ARID5B: variants seen among roughly 807,000 people sequenced by gnomAD.
ARID5B encodes AT-rich interactive domain-containing protein 5B.
ARID5B carries 13 observed loss-of-function variants against 97.2 expected under a neutral mutation model. The ratio of observed to expected loss-of-function variants is 0.13; its 90% CI spans 0.09 to 0.21. The LOEUF is 0.21. ARID5B is among the 10% of genes least tolerant of loss of function. The pLI is 1.00. For missense variants in ARID5B, 1,210 were observed against 1,465.3 expected (o/e 0.83, Z 2.84); for synonymous variants, 556 against 570.3 (o/e 0.97, Z 0.36).
chr10:62,039,897 T>C (rs988367055), intron 4 of ARID5B, among the ~76,000 whole-genome samples: 2 of 152,258 alleles, frequency 1.3e-5, no homozygotes, highest in African/African-American at 4.8e-5. Flanking sequence ...TGACTGTAAC[T>C]GACCTCTCTA....
intron 4 of ARID5B, among the ~76,000 whole-genome samples, chr10:62,040,280 T>G (rs1416746041): frequency 5.3e-5 from 8 of 152,260 alleles, no homozygotes; most frequent in South Asian, 4.2e-4. Context: ...ATTACCAGAT[T>G]TGAATTTTAC....
chr10:62,048,555 C>T (rs1442785802), intron 4 of ARID5B, among the ~76,000 whole-genome samples: 2 of 152,186 alleles, frequency 1.3e-5, no homozygotes, highest in East Asian at 1.9e-4. Flanking sequence ...TTAGAGTTTA[C>T]GTTTGTGTGA....
chr10:61,999,044 A>G (rs765947137), intron 3 of ARID5B, among the ~76,000 whole-genome samples: 1 of 152,242 alleles, frequency 6.6e-6, no homozygotes, highest in Non-Finnish European at 1.5e-5. Context: ...TCAGTGGTAC[A>G]CTGGGTCTTA....
chr10:62,012,322 AC>A (rs1006868122), intron 4 of ARID5B, among the ~76,000 whole-genome samples: 1 of 152,124 alleles, frequency 6.6e-6, no homozygotes, highest in Admixed American at 6.6e-5. Flanking sequence ...GGAGTTTGAG[AC>A]CAGCCTGGGC....
At chr10:62,070,485 CTTAATTTGT>C (rs1317703321) in intron 8 of ARID5B, among the ~76,000 whole-genome samples, 1 of 152,184 alleles carries the variant, frequency 6.6e-6, no homozygotes, top group Non-Finnish European at 1.5e-5. Flanking sequence ...CAAGCCCATA[CTTAATTTGT>C]TTAGGTCATT....
chr10:62,069,757 A>G lies in ARID5B; in HGVS notation c.1159A>G (p.Ser387Gly), dbSNP rs1170562366. 1 of 1,614,168 alleles carries G rather than the reference A, an allele frequency of 6.2e-7. No homozygotes were observed. Residue 387 changes from serine (S) to glycine (G), a missense_variant, in exon 8 of 10, where the codon AGC becomes GGC. By Grantham distance (56) the Ser-to-Gly change is moderately conservative. This residue lies in a region of ARID5B where 59 missense variants were observed against 156.7 expected (regional missense o/e 0.38). Transcript: ENST00000279873. ...IYDELGGNPG[S>G]TSAATCTRRH... The stretch of plus-strand genomic sequence containing the variant: ...TGATGAATTAGGCGGTAATCCTGGG[A>G]GCACCAGCGCTGCCACTTGTACCCG...
Position 62,091,100 on chromosome 10 carries a change from C to T in ARID5B, c.1637C>T (p.Pro546Leu), listed in dbSNP as rs1387003279. 1.9e-6 allele frequency: 3 copies of T among 1,614,008 alleles called. No homozygotes were observed. The East Asian group carries it at 6.7e-5, about 36-fold the overall frequency. The change falls in exon 10 of 10, where the codon CCT becomes CTT. Residue 546 changes from proline (P) to leucine (L), a missense_variant. By Grantham distance (98) the Pro-to-Leu change is moderately conservative (BLOSUM62 -3). This residue lies in a region of ARID5B where 800 missense variants were observed against 839.1 expected (regional missense o/e 0.95). Transcript: ENST00000279873. ...KGPTPPLPSA[P>L]LAPEKDSALV... is the part of the protein sequence containing the mutation. ...CCCACACCTCCACTCCCAAGTGCTC[C>T]TCTGGCCCCAGAAAAAGATTCAGCC...
chr10:62,084,541 G>A (rs1012690043), intron 8 of ARID5B, among the ~76,000 whole-genome samples: 7 of 152,144 alleles, frequency 4.6e-5, no homozygotes, highest in Admixed American at 3.9e-4. Context: ...AACAAATTAT[G>A]TTTGCTGTAT....
chr10:62,008,171 G>A (rs959355692), intron 4 of ARID5B, among the ~76,000 whole-genome samples: 1 of 151,768 alleles, frequency 6.6e-6, no homozygotes, highest in African/African-American at 2.4e-5. Flanking sequence ...GCAGGCAACA[G>A]AGCAGTACCC....
At chr10:61,904,582 C>G (rs1354684763) in intron 2 of ARID5B, among the ~76,000 whole-genome samples, 1 of 152,130 alleles carries the variant, frequency 6.6e-6, no homozygotes, top group Non-Finnish European at 1.5e-5. Flanking sequence ...AAAGTAAACT[C>G]TAGGGGGTTT....
At chr10:61,957,483 G>T (rs977306724) in intron 3 of ARID5B, among the ~76,000 whole-genome samples, 6 of 152,150 alleles carry the variant, frequency 3.9e-5, no homozygotes, top group African/African-American at 1.2e-4. Flanking sequence ...TGGCCAGGCT[G>T]GTCTCGAACT....
chr10:61,936,355 C>T (rs61852291), intron 2 of ARID5B, among the ~76,000 whole-genome samples: 27,864 of 152,192 alleles, frequency 0.18, 3,419 homozygotes, highest in Non-Finnish European at 0.27. Context: ...CGGTGGCTCA[C>T]GCCTGTAATC....
chr10:62,034,041 C>T (rs1167559615), intron 4 of ARID5B, among the ~76,000 whole-genome samples: 1 of 152,150 alleles, frequency 6.6e-6, no homozygotes, highest in Non-Finnish European at 1.5e-5. Context: ...CAGAAGGAAA[C>T]TCAAGGGGCC....
intron 8 of ARID5B, among the ~76,000 whole-genome samples, chr10:62,080,353 G>A: frequency 6.6e-6 from 1 of 152,134 alleles, no homozygotes; most frequent in African/African-American, 2.4e-5. Flanking sequence ...GCTCAACCAG[G>A]GTTGTGCCCG....
chr10:62,007,246 CAGGGA>C (rs1003150401), intron 4 of ARID5B, among the ~76,000 whole-genome samples: 21 of 152,104 alleles, frequency 1.4e-4, no homozygotes, highest in African/African-American at 4.6e-4. Context: ...TATGTCCTGC[CAGGGA>C]ACTAGATGGA....
intron 2 of ARID5B, among the ~76,000 whole-genome samples, chr10:61,932,413 CT>C (rs200321468): frequency 0.038 from 5,106 of 135,406 alleles, 262 homozygotes; most frequent in East Asian, 0.31. Flanking sequence ...TTTTCTTTTT[CT>C]TTTTTTTTTT....
chr10:61,998,263 C>T (rs1839028882), intron 3 of ARID5B, among the ~76,000 whole-genome samples: 5 of 152,234 alleles, frequency 3.3e-5, no homozygotes, highest in Admixed American at 3.3e-4. Flanking sequence ...TCCGTCCTTG[C>T]TCATTCGTCT....
chr10:62,014,869 A>G (rs1368678543), intron 4 of ARID5B, among the ~76,000 whole-genome samples: 1 of 152,136 alleles, frequency 6.6e-6, no homozygotes, highest in Admixed American at 6.5e-5. Flanking sequence ...TTCTGCATCT[A>G]TTTTCCAGGA....
At chr10:62,057,031 G>A (rs1839865178) in intron 5 of ARID5B, 86 bp from the exon 6 acceptor site, 2 of 1,299,436 alleles carry the variant, frequency 1.5e-6, no homozygotes, top group Admixed American at 2.1e-5. Context: ...TCACTGAAAA[G>A]TGTTGCTGGC....
Sources: allele counts gnomAD v4.1 joint callset (sites outside exome capture counted in the v4.1 genomes callset), GRCh38; gene constraint gnomAD v4.1.1; regional missense constraint gnomAD v4.1.1; transcripts MANE v1.5; gene names NCBI Gene and HGNC (gene_info 2026-07-23, HGNC 2026-07-21).